Variants in SLF1 observed in about 807,000 individuals in gnomAD.
SLF1 encodes SMC5-SMC6 complex localization factor protein 1.
SLF1 carries 105 observed loss-of-function variants against 123.0 expected under a neutral mutation model. The ratio of observed to expected loss-of-function variants is 0.85; its 90% CI spans 0.73 to 1.00. SLF1 has a LOEUF of 1.00. Ranked by LOEUF, SLF1 falls within the 50% of genes least tolerant of loss-of-function variation. The probability of loss-of-function intolerance (pLI) is 0.00; values close to 1 mark genes in which losing one functional copy is unlikely to be tolerated. For missense variants in SLF1, 1,239 were observed against 1,223.0 expected, an observed-to-expected ratio of 1.01 and a Z score of -0.20; for synonymous variants, 434 against 406.6, an observed-to-expected ratio of 1.07 and a Z score of -0.81.
intron 19 of SLF1, 121 bp from the exon 20 acceptor site, chr5:94,691,953 C>T: frequency 1.2e-6 from 1 of 860,200 alleles, no homozygotes; most frequent in Non-Finnish European, 1.7e-6. Context: ...TTTATCACAG[C>T]ATTCTTTTTG....
At position 94,641,883 on chromosome 5, in the gene SLF1, C is replaced by T. The variant is rs1007301196; in HGVS notation, c.432-1390C>T. ...GCAGTGGCCTGGGCAAGAGGGTTTC[C>T]GGCCTCTCCCCCAGTATTAGATCTC... is the stretch of plus-strand genomic sequence containing the variant. On this transcript the variant is annotated intron_variant, in intron 4 of 20. Coordinates refer to ENST00000265140, the MANE Select transcript of SLF1 (RefSeq NM_032290.4). Among the ~76,000 whole-genome samples the T allele has an allele frequency of 7.2e-5, 11 of 152,282 alleles. 1 individual carries two copies. In the South Asian group the frequency reaches 8.3e-4, roughly 11 times the overall value.
chr5:94,621,776 T>A (rs1708581031), intron 1 of SLF1, among the ~76,000 whole-genome samples: 1 of 152,136 alleles, frequency 6.6e-6, no homozygotes, highest in African/African-American at 2.4e-5. Context: ...GCGCTAAATT[T>A]GTCATCAGAG....
At chr5:94,657,488 A>G (rs1050984191) in intron 9 of SLF1, among the ~76,000 whole-genome samples, 1 of 152,042 alleles carries the variant, frequency 6.6e-6, no homozygotes, top group African/African-American at 2.4e-5. Flanking sequence ...TGTCCCATAT[A>G]CTAATGAGAA....
chr5:94,652,146 T>C, intron 7 of SLF1, among the ~76,000 whole-genome samples: 1 of 152,076 alleles, frequency 6.6e-6, no homozygotes, highest in East Asian at 1.9e-4. Context: ...TAGCTGGGAC[T>C]ACAGGCACAC....
rs773144750 is a variant in SLF1 at position 94,695,320 on chromosome 5, A to G, written c.*8A>G. ...GTCATGGAGTTTTCATGATGATGCT[A>G]GAAAGTATGGATTGACTTTCTAAAT... On this transcript the variant is annotated 3_prime_UTR_variant, in exon 21 of 21. Coordinates refer to ENST00000265140, the MANE Select transcript of SLF1 (RefSeq NM_032290.4). 3.1e-6 allele frequency: 5 copies of G among 1,594,842 alleles called. No individual in the cohort carries two copies. Among genetic ancestry groups the G allele is most frequent in the East Asian group, 2.2e-5 (1 of 44,626 alleles).
Position 94,688,535 on chromosome 5 carries a change from A to C in SLF1, c.2151A>C (p.Lys717Asn), listed in dbSNP as rs1204287126. ...ATTCCTATTTACCAGCCTTGGGGAA[A>C]ACTGGTGTGCTTGGGTCTGGAAAGA... ...MVYSYLPALG[K>N]TGVLGSGKIQ... The change falls in exon 17 of 21, where the codon AAA becomes AAC. Residue 717 changes from lysine (K) to asparagine (N), a missense_variant. By Grantham distance (94) the Lys-to-Asn change is moderately conservative. Coordinates refer to ENST00000265140, the MANE Select transcript of SLF1 (RefSeq NM_032290.4). 18 of 1,613,966 alleles carry C rather than the reference A, an allele frequency of 1.1e-5. No individual in the cohort carries two copies. Among genetic ancestry groups the C allele is most frequent in the Non-Finnish European group, 1.3e-5 (15 of 1,179,986 alleles).
At chr5:94,679,064 A>AAGG in intron 15 of SLF1, 109 bp downstream of exon 15, 1 of 1,311,962 alleles carries the variant, frequency 7.6e-7, no homozygotes, top group Non-Finnish European at 1.0e-6. Context: ...AACTTTCCTT[A>AAGG]AAATAGTTAT....
At chr5:94,650,475 G>A (rs1390051949) in intron 6 of SLF1, among the ~76,000 whole-genome samples, 1 of 150,722 alleles carries the variant, frequency 6.6e-6, no homozygotes, top group Non-Finnish European at 1.5e-5. Context: ...CCATTCTCCT[G>A]CCTCAGCCTC....
chr5:94,651,203 T>C (rs886277848), intron 6 of SLF1, among the ~76,000 whole-genome samples: 73 of 152,308 alleles, frequency 4.8e-4, no homozygotes, highest in African/African-American at 1.6e-3. Context: ...CCATATAGAC[T>C]AGGTGTGTAG....
Position 94,656,757 on chromosome 5 carries a change from C to T in SLF1, c.1155+2005C>T, listed in dbSNP as rs574942157. 6.7e-4 allele frequency among the ~76,000 whole-genome samples: 102 copies of T among 151,704 alleles called. 1 individual carries two copies. Among genetic ancestry groups the T allele is most frequent in the African/African-American group, 2.2e-3 (92 of 41,482 alleles). On this transcript the variant is annotated intron_variant, in intron 9 of 20. Coordinates refer to ENST00000265140, the MANE Select transcript of SLF1 (RefSeq NM_032290.4). ...TCCATTTCCCCTAAGTTTTCTGATT[C>T]GTTGGTGTATAGTTCATAATAGTCT...
intron 13 of SLF1, 34 bp from the exon 14 acceptor site, chr5:94,670,809 T>C (rs765341380): frequency 1.4e-5 from 21 of 1,497,426 alleles, no homozygotes; most frequent in Non-Finnish European, 9.0e-7. Flanking sequence ...TCAAATTGGC[T>C]TAAAGATATA....
At chr5:94,681,978 C>G (rs1255979776) in intron 15 of SLF1, among the ~76,000 whole-genome samples, 1 of 152,054 alleles carries the variant, frequency 6.6e-6, no homozygotes, top group Non-Finnish European at 1.5e-5. Flanking sequence ...TAGCTATAAC[C>G]AAATTTGAAG....
Position 94,695,257 on chromosome 5 carries a change from AG to A in SLF1, c.3124del (p.Ala1042ProfsTer2). ...AAAGTGTGTCCTGGGGTACACACTG[AG>A]GCCTTGATGATAACATTGGAAATGA... The part of the protein sequence containing the change: ...NLKVCPGVHT[E>X]ALMITLEMMC... On this transcript the variant is annotated frameshift_variant, in exon 21 of 21. Coordinates refer to ENST00000265140, the MANE Select transcript of SLF1 (RefSeq NM_032290.4). LOFTEE classifies it high-confidence loss of function. 1 of 1,612,088 alleles carries A rather than the reference AG, an allele frequency of 6.2e-7. No homozygotes were observed. Among genetic ancestry groups the A allele is most frequent in the Non-Finnish European group, 8.5e-7 (1 of 1,178,632 alleles).
intron 20 of SLF1, among the ~76,000 whole-genome samples, chr5:94,694,315 C>A (rs561903696): frequency 6.6e-6 from 1 of 151,820 alleles, no homozygotes; most frequent in Non-Finnish European, 1.5e-5. Flanking sequence ...GAACCAGTTA[C>A]CTGTACTAAA....
rs58847356 is a variant in SLF1, at chr5:94,627,585, CATATATATATATATATATATATATAT to C, written c.1-1216_1-1191del. Among the ~76,000 whole-genome samples, 122 of 86,848 alleles carry C rather than the reference CATATATATATATATATATATATATAT, an allele frequency of 1.4e-3. 1 individual carries two copies. Among genetic ancestry groups the C allele is most frequent in the African/African-American group, 4.6e-3 (108 of 23,300 alleles). 57.0% of individuals were successfully genotyped at this position (86,848 alleles called of 152,430 possible). ...TCTACCTTGTAAATGATGAAATTAACATATATATATATATATATATATATATATATATATAGCAAAGTTAAGAAATA... is the reference window on the plus strand; with the variant it reads ...TCTACCTTGTAAATGATGAAATTAACATATATATAGCAAAGTTAAGAAATA... On this transcript the variant is annotated intron_variant, in intron 1 of 20. Coordinates refer to ENST00000265140, the MANE Select transcript of SLF1 (RefSeq NM_032290.4).
chr5:94,695,029 AT>A lies in SLF1; in HGVS notation c.2899del (p.Cys967ValfsTer12). On this transcript the variant is annotated frameshift_variant, in exon 21 of 21. Transcript: ENST00000265140. LOFTEE classifies it high-confidence loss of function. The stretch of plus-strand genomic sequence containing the variant: ...TTTTTACTTAGTAGGATGTTGCTAA[AT>A]TTTTGTTCAATTTTTGATTTATCTT... ...GSFLLSRMLL[N>X]FCSIFDLSSE... 2 of 1,612,254 alleles carry A rather than the reference AT, an allele frequency of 1.2e-6. No individual in the cohort carries two copies. Among genetic ancestry groups the A allele is most frequent in the Non-Finnish European group, 1.7e-6 (2 of 1,179,084 alleles).
At chr5:94,684,255 T>C (rs1447079698) in intron 15 of SLF1, among the ~76,000 whole-genome samples, 2 of 152,226 alleles carry the variant, frequency 1.3e-5, no homozygotes, top group Non-Finnish European at 2.9e-5. Context: ...GGCTTTTTAA[T>C]GTATATAATT....
chr5:94,621,632 T>G (rs941431783), intron 1 of SLF1, among the ~76,000 whole-genome samples: 1 of 152,128 alleles, frequency 6.6e-6, no homozygotes, highest in Non-Finnish European at 1.5e-5. Context: ...GACTCCTTCA[T>G]CCCGAAATTA....
intron 7 of SLF1, among the ~76,000 whole-genome samples, chr5:94,652,932 G>T (rs547718478): frequency 6.6e-6 from 1 of 152,016 alleles, no homozygotes; most frequent in Non-Finnish European, 1.5e-5. Flanking sequence ...ATCTCAGCTC[G>T]CCACAACCTC....
Sources: gnomAD v4.1 joint callset for allele counts (sites outside exome capture counted in the v4.1 genomes callset) on GRCh38, gnomAD v4.1.1 for gene constraint, MANE v1.5 for transcripts, NCBI Gene and HGNC (gene_info 2026-07-23, HGNC 2026-07-21) for gene names.